The following FARS2 variants were observed in gnomAD, a reference collection of about 807,000 sequenced individuals.
FARS2 encodes the protein phenylalanyl-tRNA synthetase 2, mitochondrial, also known as phenylalanine--tRNA ligase, mitochondrial.
Under a neutral mutation model 46.4 loss-of-function variants are expected in FARS2, and 40 were observed. The ratio of observed to expected loss-of-function variants is 0.86; its 90% confidence interval spans 0.67 to 1.12. The LOEUF (loss-of-function observed/expected upper bound fraction) is 1.12. Ranked by LOEUF, FARS2 falls within the 50% of genes most tolerant of loss-of-function variation. The pLI, the probability that FARS2 is intolerant of heterozygous loss-of-function variation, is 0.00. For missense variants in FARS2, 513 were observed against 567.9 expected (o/e 0.90, Z 0.98); for synonymous variants, 234 against 214.9 (o/e 1.09, Z -0.78).
intron 1 of FARS2, among the ~76,000 whole-genome samples, chr6:5,345,860 A>C (rs1561973606): frequency 6.6e-6 from 1 of 152,234 alleles, no homozygotes; most frequent in Non-Finnish European, 1.5e-5. Flanking sequence ...TTTCACAGGC[A>C]GTTATGAAGA....
intron 1 of FARS2, among the ~76,000 whole-genome samples, chr6:5,295,498 T>C (rs1232991619): frequency 6.6e-6 from 1 of 152,256 alleles, no homozygotes; most frequent in Admixed American, 6.5e-5. Flanking sequence ...AATTTAATAA[T>C]AAAACGTTTT....
chr6:5,535,622 A>G (rs1345114494), intron 4 of FARS2, among the ~76,000 whole-genome samples: 1 of 152,154 alleles, frequency 6.6e-6, no homozygotes. Context: ...AATGAGTGAA[A>G]AGTTTTCAAC....
At chr6:5,463,147 T>G (rs1481593930) in intron 4 of FARS2, among the ~76,000 whole-genome samples, 1 of 152,234 alleles carries the variant, frequency 6.6e-6, no homozygotes, top group Non-Finnish European at 1.5e-5. Flanking sequence ...CAGCAGTGTT[T>G]TATAGTTTTT....
intron 6 of FARS2, among the ~76,000 whole-genome samples, chr6:5,736,265 G>A (rs1400547579): frequency 1.3e-5 from 2 of 152,198 alleles, no homozygotes; most frequent in Admixed American, 6.5e-5. Flanking sequence ...GCAGGGAGAG[G>A]CCACATGTCT....
At chr6:5,298,499 TGATTTGGAAG>T (rs1365281962) in intron 1 of FARS2, among the ~76,000 whole-genome samples, 1 of 152,210 alleles carries the variant, frequency 6.6e-6, no homozygotes, top group Admixed American at 6.5e-5. Flanking sequence ...AGAGGAACTC[TGATTTGGAAG>T]GTATCTTTAG....
At chr6:5,741,337 A>G (rs1189168516) in intron 6 of FARS2, among the ~76,000 whole-genome samples, 1 of 152,172 alleles carries the variant, frequency 6.6e-6, no homozygotes, top group Non-Finnish European at 1.5e-5. Flanking sequence ...ATGGGAATGG[A>G]GAGCATTGGT....
chr6:5,578,003 G>A (rs969387146), intron 5 of FARS2, among the ~76,000 whole-genome samples: 3 of 151,954 alleles, frequency 2.0e-5, no homozygotes, highest in Non-Finnish European at 2.9e-5. Flanking sequence ...GGGTTTCACC[G>A]TGTTAGCCAG....
At chr6:5,575,820 CAT>C (rs1244185883) in intron 5 of FARS2, among the ~76,000 whole-genome samples, 1 of 152,172 alleles carries the variant, frequency 6.6e-6, no homozygotes, top group Admixed American at 6.5e-5. Context: ...TTCCTCATGA[CAT>C]AAAATTCTAT....
intron 4 of FARS2, among the ~76,000 whole-genome samples, chr6:5,487,668 G>C (rs1385430693): frequency 6.6e-6 from 1 of 152,112 alleles, no homozygotes; most frequent in Non-Finnish European, 1.5e-5. Flanking sequence ...AACACGCATG[G>C]GTTCTCTTTT....
chr6:5,677,579 G>A (rs1413866620), intron 6 of FARS2, among the ~76,000 whole-genome samples: 1 of 152,238 alleles, frequency 6.6e-6, no homozygotes, highest in African/African-American at 2.4e-5. Flanking sequence ...TAGTGACAGT[G>A]GCCTTGCAGT....
intron 6 of FARS2, among the ~76,000 whole-genome samples, chr6:5,705,472 C>T (rs1758685963): frequency 6.6e-6 from 1 of 152,182 alleles, no homozygotes; most frequent in Non-Finnish European, 1.5e-5. Context: ...AAGAGGCACT[C>T]AGTAACTGCC....
At chr6:5,588,254 AG>A (rs1773725026) in intron 5 of FARS2, among the ~76,000 whole-genome samples, 2 of 151,508 alleles carry the variant, frequency 1.3e-5, no homozygotes, top group Admixed American at 1.3e-4. Flanking sequence ...GGGCGGGGGA[AG>A]TGGTGTGGGC....
chr6:5,435,713 C>A (rs1319350481), intron 4 of FARS2, among the ~76,000 whole-genome samples: 1 of 152,146 alleles, frequency 6.6e-6, no homozygotes, highest in African/African-American at 2.4e-5. Context: ...AGCACCGCGT[C>A]CAAAACCATC....
intron 3 of FARS2, among the ~76,000 whole-genome samples, chr6:5,412,111 T>G (rs760234267): frequency 2.6e-5 from 4 of 152,138 alleles, no homozygotes; most frequent in Non-Finnish European, 5.9e-5. Context: ...TCTTTGCTTG[T>G]TAAAAGACCT....
chr6:5,678,219 C>G (rs993600720), intron 6 of FARS2, among the ~76,000 whole-genome samples: 1 of 152,216 alleles, frequency 6.6e-6, no homozygotes, highest in Non-Finnish European at 1.5e-5. Flanking sequence ...CACGTCCCCT[C>G]CCCTTACCAC....
intron 5 of FARS2, among the ~76,000 whole-genome samples, chr6:5,575,453 A>C (rs1393537972): frequency 6.6e-6 from 1 of 152,196 alleles, no homozygotes; most frequent in African/African-American, 2.4e-5. Context: ...TTGAGAGCAA[A>C]TGGGAGACAC....
intron 3 of FARS2, among the ~76,000 whole-genome samples, chr6:5,417,843 C>G (rs1158538238): frequency 6.6e-6 from 1 of 152,218 alleles, no homozygotes; most frequent in Admixed American, 6.5e-5. Flanking sequence ...CCTTTAGGTA[C>G]TCCACTTGCA....
Position 5,366,618 on chromosome 6 carries a change from C to G in FARS2, c.-21-1932C>G, listed in dbSNP as rs371432471. On this transcript the variant is annotated intron_variant, in intron 1 of 6. Transcript: ENST00000274680. ...GCGTGAGGAGAGCAAGGAAGGGACACGAGGCTGGGGCACATCCCTGGGAAT... is the reference window on the plus strand; with the variant it reads ...GCGTGAGGAGAGCAAGGAAGGGACAGGAGGCTGGGGCACATCCCTGGGAAT... 7.5e-4 allele frequency among the ~76,000 whole-genome samples: 113 copies of G among 150,954 alleles called. 3 individuals are homozygous for G. In the South Asian group the frequency reaches 0.023, roughly 31 times the overall value.
chr6:5,523,985 C>CCCTTTTT lies in FARS2; in HGVS notation c.905-21195_905-21194insCCTTTTT, dbSNP rs1206571269. 3.7e-3 allele frequency among the ~76,000 whole-genome samples: 565 copies of CCCTTTTT among 152,172 alleles called. 6 individuals carry two copies. Among genetic ancestry groups the CCCTTTTT allele is most frequent in the Admixed American group, 7.2e-3 (110 of 15,286 alleles). On this transcript the variant is annotated intron_variant, in intron 4 of 6. Transcript: ENST00000274680. ...TTCAAAGGGGTCATGTTTCCAAGAA[C>CCCTTTTT]ATGATGAATTCTTAGTTTTTACCAA...
Sources: allele counts gnomAD v4.1 joint callset (sites outside exome capture counted in the v4.1 genomes callset), GRCh38; gene constraint gnomAD v4.1.1; transcripts MANE v1.5; gene names NCBI Gene and HGNC (gene_info 2026-07-23, HGNC 2026-07-21).